The following CHRNB2 variants were observed in gnomAD, a reference collection of about 807,000 sequenced individuals.
CHRNB2 encodes neuronal acetylcholine receptor subunit beta-2.
A neutral mutation model predicts 42.7 loss-of-function variants in CHRNB2; 33 were observed. That is an observed-to-expected ratio of 0.77 (90% confidence interval 0.59 to 1.03). The LOEUF is 1.03. Among genes scored for constraint, CHRNB2 ranks in the 50% least tolerant of loss-of-function variants. The probability of loss-of-function intolerance (pLI) is 0.00; values close to 1 mark genes in which losing one functional copy is unlikely to be tolerated. For synonymous variants in CHRNB2, 325 were observed against 292.9 expected (o/e 1.11, Z -1.12); for missense variants, 603 against 700.9 (o/e 0.86, Z 1.58).
chr1:154,569,625 G>T lies in CHRNB2; in HGVS notation c.210+18G>T, dbSNP rs1696126291. The T allele has an allele frequency of 3.7e-6, 6 of 1,613,992 alleles. No homozygotes were observed. Among genetic ancestry groups the T allele is most frequent in the Non-Finnish European group, 5.1e-6 (6 of 1,180,000 alleles). On this transcript the variant is annotated intron_variant, in intron 2 of 5. Coordinates refer to ENST00000368476, the MANE Select transcript of CHRNB2 (RefSeq NM_000748.3). ...TCAGTGTGGTGAGTAGAGGTCCCAGGCTCTCTGCCCAGCTACTGAAATCAG... is the reference window on the plus strand; with the variant it reads ...TCAGTGTGGTGAGTAGAGGTCCCAGTCTCTCTGCCCAGCTACTGAAATCAG...
chr1:154,571,395 TG>T lies in CHRNB2; in HGVS notation c.574del (p.Ala192ProfsTer60). 1 of 1,614,162 alleles carries T rather than the reference TG, an allele frequency of 6.2e-7. No homozygotes were observed. The highest frequency in any genetic ancestry group is 8.5e-7 in the Non-Finnish European group (1 of 1,180,024). On this transcript the variant is annotated frameshift_variant, in exon 5 of 6. Transcript: ENST00000368476. LOFTEE classifies it high-confidence loss of function. This position sits in a 1 kb window ranked among gnomAD's most constrained non-coding sequence, Gnocchi z 6.8. ...ATCGACTTGGTGCTGAAGAGTGAGG[TG>T]GCCAGCCTGGACGACTTCACACCTA... The part of the protein sequence containing the change: ...TEIDLVLKSE[V>X]ASLDDFTPSG...
rs1382409921 is a variant in CHRNB2, at chr1:154,571,779, T to A, written c.956T>A (p.Leu319His). 6.2e-7 allele frequency: 1 copy of A among 1,614,006 alleles called. No homozygotes were observed. The highest frequency in any genetic ancestry group is 1.1e-5 in the South Asian group (1 of 91,090). The change falls in exon 5 of 6, where the codon CTC becomes CAC. Residue 319 changes from leucine (L) to histidine (H), a missense_variant. By Grantham distance (99) the Leu-to-His change is moderately conservative. This residue lies in a region of CHRNB2 where 333 missense variants were observed against 452.6 expected (regional missense o/e 0.74). Transcript: ENST00000368476. The surrounding 1 kb of genome is among the most constrained non-coding windows in gnomAD (Gnocchi z 6.8). ...TCCATCGTCACCAGCGTGTGCGTGCTCAACGTGCACCACCGCTCGCCCACC... is the reference window on the plus strand; with the variant it reads ...TCCATCGTCACCAGCGTGTGCGTGCACAACGTGCACCACCGCTCGCCCACC... ...TFSIVTSVCV[L>H]NVHHRSPTTH... is the part of the protein sequence containing the mutation.
At position 154,571,463 on chromosome 1, in the gene CHRNB2, G is replaced by A. The variant is rs780175030; in HGVS notation, c.640G>A (p.Glu214Lys). 1.8e-5 allele frequency: 29 copies of A among 1,613,968 alleles called. No homozygotes were observed. The highest frequency in any genetic ancestry group is 2.4e-5 in the Non-Finnish European group (28 of 1,180,024). Reference protein sequence around the residue: ...DIVALPGRRNENPDDSTYVDI... With the variant: ...DIVALPGRRNKNPDDSTYVDI... Reference sequence around the variant, plus strand: ...CGTGGCGCTGCCGGGCCGGCGCAACGAGAACCCCGACGACTCTACGTACGT... The same window carrying A: ...CGTGGCGCTGCCGGGCCGGCGCAACAAGAACCCCGACGACTCTACGTACGT... Residue 214 changes from glutamate (E) to lysine (K), a missense_variant, in exon 5 of 6, where the codon GAG becomes AAG. Physicochemically the swap from Glu to Lys is moderately conservative, Grantham distance 56. Around this residue, in one of 2 missense-constraint regions of CHRNB2, gnomAD observed 333 missense variants for 452.6 expected, o/e 0.74. Coordinates refer to ENST00000368476, the MANE Select transcript of CHRNB2 (RefSeq NM_000748.3). This position sits in a 1 kb window ranked among gnomAD's most constrained non-coding sequence, Gnocchi z 6.8.
intron 3 of CHRNB2, 36 bp from the exon 4 acceptor site, chr1:154,570,222 C>A: frequency 7.0e-7 from 1 of 1,432,124 alleles, no homozygotes; most frequent in Non-Finnish European, 9.8e-7. Flanking sequence ...CCACCCAGGG[C>A]ACAAGTTGGT....
At position 154,570,121 on chromosome 1, in the gene CHRNB2, G is replaced by T. The variant is rs1696134720; in HGVS notation, c.256-137G>T. 4 of 730,540 alleles carry T rather than the reference G, an allele frequency of 5.5e-6. No homozygotes were observed. The South Asian group carries it at 6.1e-5, about 11-fold the overall frequency. 45.3% of individuals were successfully genotyped at this position (730,540 alleles called of 1,614,324 possible). Reference sequence around the variant, plus strand: ...GTACCACATGAGCCATACCTGATGGGCAGAGAAGTCACTGTGGGGAAGAGG... The same window carrying T: ...GTACCACATGAGCCATACCTGATGGTCAGAGAAGTCACTGTGGGGAAGAGG... On this transcript the variant is annotated intron_variant, in intron 3 of 5. Coordinates refer to ENST00000368476, the MANE Select transcript of CHRNB2 (RefSeq NM_000748.3).
intron 5 of CHRNB2, 101 bp downstream of exon 5, chr1:154,572,262 G>C: frequency 6.6e-7 from 1 of 1,512,000 alleles, no homozygotes; most frequent in African/African-American, 1.4e-5. Flanking sequence ...AGAGGTAGTA[G>C]GAGTGTAGGG....
At position 154,569,593 on chromosome 1, in the gene CHRNB2, C is replaced by T; in HGVS notation, c.196C>T (p.Gln66Ter). 2.5e-6 allele frequency: 4 copies of T among 1,614,138 alleles called. No homozygotes were observed. Among genetic ancestry groups the T allele is most frequent in the Non-Finnish European group, 2.5e-6 (3 of 1,180,014 alleles). The part of the protein sequence containing the change: ...VTVQLMVSLA[Q>*]LISVHEREQI... ...AGTACAGCTTATGGTGTCACTGGCC[C>T]AGCTCATCAGTGTGGTGAGTAGAGG... is the stretch of plus-strand genomic sequence containing the variant. Residue 66 changes from glutamine to a stop codon, truncating the protein, a stop_gained, in exon 2 of 6, where the codon CAG (glutamine) becomes TAG (stop). Transcript: ENST00000368476. LOFTEE classifies it high-confidence loss of function.
intron 5 of CHRNB2, among the ~76,000 whole-genome samples, chr1:154,574,402 G>T (rs906553775): frequency 1.3e-5 from 2 of 152,138 alleles, no homozygotes; most frequent in African/African-American, 4.8e-5. Flanking sequence ...CTAATCCAGG[G>T]TCTCAAATTA....
In CHRNB2 at chr1:154,576,056, C is replaced by T; in HGVS notation, c.*124C>T. The T allele has an allele frequency of 1.5e-6, 2 of 1,291,684 alleles. No homozygotes were observed. The highest frequency in any genetic ancestry group is 2.2e-6 in the Non-Finnish European group (2 of 903,482). 80.0% of individuals were successfully genotyped at this position (1,291,684 alleles called of 1,614,324 possible). A position where few individuals can be genotyped will look rare whatever the true frequency, so the allele number is the denominator to read the frequency against. ...CTGCCCCCACAGATCCATCCTTTTGCTTCATCTGGAGTCCCTCCTCCCCCA... is the reference window on the plus strand; with the variant it reads ...CTGCCCCCACAGATCCATCCTTTTGTTTCATCTGGAGTCCCTCCTCCCCCA... On this transcript the variant is annotated 3_prime_UTR_variant, in exon 6 of 6. Coordinates refer to ENST00000368476, the MANE Select transcript of CHRNB2 (RefSeq NM_000748.3).
chr1:154,579,846 C>T lies in CHRNB2; in HGVS notation c.*3914C>T, dbSNP rs1696358002. The T allele has an allele frequency of 6.6e-6, 1 of 152,342 alleles. No homozygotes were observed. The highest frequency in any genetic ancestry group is 2.1e-4 in the South Asian group (1 of 4,832). 9.4% of individuals were successfully genotyped at this position (152,342 alleles called of 1,614,324 possible). A position where few individuals can be genotyped will look rare whatever the true frequency, so the allele number is the denominator to read the frequency against. The stretch of plus-strand genomic sequence containing the variant: ...TACTCCAGGTCAGACTCATTAGGAA[C>T]TCAAGATTCTCGTAAAGAAAGTTGT... On this transcript the variant is annotated 3_prime_UTR_variant, in exon 6 of 6. Transcript: ENST00000368476.
chr1:154,567,856 A>C lies in CHRNB2; in HGVS notation c.-189A>C, dbSNP rs934309914. 2.1e-6 allele frequency: 1 copy of C among 479,438 alleles called. No individual in the cohort carries two copies. Among genetic ancestry groups the C allele is most frequent in the Non-Finnish European group, 3.6e-6 (1 of 277,854 alleles). The allele number at this position is 479,438 out of a possible 1,614,324, so 29.7% of individuals were successfully genotyped here. ...AGCCTCCGCCTGCTCATACCAGGAT[A>C]GGCAAGAAGCTGGTTTCTCCTCGCA... is the stretch of plus-strand genomic sequence containing the variant. On this transcript the variant is annotated 5_prime_UTR_variant, in exon 1 of 6. Coordinates refer to ENST00000368476, the MANE Select transcript of CHRNB2 (RefSeq NM_000748.3).
At position 154,569,490 on chromosome 1, in the gene CHRNB2, G is replaced by A. The variant is rs1298144883; in HGVS notation, c.93G>A (p.Arg31=). 3 of 1,613,792 alleles carry A rather than the reference G, an allele frequency of 1.9e-6. No individual in the cohort carries two copies. Among genetic ancestry groups the A allele is most frequent in the Non-Finnish European group, 2.5e-6 (3 of 1,179,980 alleles). Residue 31 remains arginine, a synonymous_variant, in exon 2 of 6, where the codon CGG becomes CGA. Transcript: ENST00000368476. The part of the protein sequence containing the change: ...SGVWGTDTEE[R]LVEHLLDPSR... ...TGTGGGGTACGGATACAGAGGAGCG[G>A]CTGGTGGAGCATCTCCTGGATCCTT... is the stretch of plus-strand genomic sequence containing the variant.
chr1:154,571,994 GTCA>G lies in CHRNB2; in HGVS notation c.1172_1174del (p.Val391_Asn392delinsAsp). On this transcript the variant is annotated inframe_deletion, in exon 5 of 6. Transcript: ENST00000368476. This position sits in a 1 kb window ranked among gnomAD's most constrained non-coding sequence, Gnocchi z 6.8. ...AGGGGCCGACTCCTGCACGTGCTTC[GTCA>G]ACCGCGCGTCGGTGCAGGGGTTGGC... 6.5e-6 allele frequency: 10 copies of G among 1,536,346 alleles called. No individual in the cohort carries two copies. The highest frequency in any genetic ancestry group is 7.9e-6 in the Non-Finnish European group (9 of 1,146,080).
chr1:154,579,353 T>C lies in CHRNB2; in HGVS notation c.*3421T>C, dbSNP rs201422275. On this transcript the variant is annotated 3_prime_UTR_variant, in exon 6 of 6. Transcript: ENST00000368476. Reference sequence around the variant, plus strand: ...GGGGCCTCCACCTACGTAACAGAAATGCGGCTCAGAAAGACCAAGTGACAG... The same window carrying C: ...GGGGCCTCCACCTACGTAACAGAAACGCGGCTCAGAAAGACCAAGTGACAG... The C allele has an allele frequency of 3.9e-5, 6 of 152,210 alleles. No homozygotes were observed. Among genetic ancestry groups the C allele is most frequent in the Non-Finnish European group, 7.3e-5 (5 of 68,078 alleles). The allele number at this position is 152,210 out of a possible 1,614,324, so 9.4% of individuals were successfully genotyped here. A position where few individuals can be genotyped will look rare whatever the true frequency, so the allele number is the denominator to read the frequency against.
chr1:154,573,469 A>T (rs1696214392), intron 5 of CHRNB2, among the ~76,000 whole-genome samples: 1 of 152,146 alleles, frequency 6.6e-6, no homozygotes. Flanking sequence ...ACCCAGAGGG[A>T]TCCTTGATCC....
intron 5 of CHRNB2, among the ~76,000 whole-genome samples, chr1:154,574,611 C>T (rs1696237012): frequency 6.6e-6 from 1 of 152,188 alleles, no homozygotes; most frequent in South Asian, 2.1e-4. Flanking sequence ...CTCACCTCCT[C>T]AAAAAGGCAT....
rs1361732970 is a variant in CHRNB2, at chr1:154,578,420, G to T, written c.*2488G>T. On this transcript the variant is annotated 3_prime_UTR_variant, in exon 6 of 6. Transcript: ENST00000368476. ...CAGGCCTAGAGCTTGTCTGCTGTTTGACCTCTTTTAAGACCCGGCTGTGCT... is the reference window on the plus strand; with the variant it reads ...CAGGCCTAGAGCTTGTCTGCTGTTTTACCTCTTTTAAGACCCGGCTGTGCT... 2 of 152,268 alleles carry T rather than the reference G, an allele frequency of 1.3e-5. No individual in the cohort carries two copies. The highest frequency in any genetic ancestry group is 2.9e-5 in the Non-Finnish European group (2 of 68,060). The allele number at this position is 152,268 out of a possible 1,614,324, so 9.4% of individuals were successfully genotyped here.
intron 5 of CHRNB2, among the ~76,000 whole-genome samples, chr1:154,575,046 C>T (rs1018182859): frequency 7.9e-5 from 12 of 152,118 alleles, no homozygotes; most frequent in African/African-American, 2.7e-4. Context: ...GACCTGGTCT[C>T]ACCCTCTGGG....
chr1:154,575,627 T>G (rs1696256940), intron 5 of CHRNB2, 135 bp from the exon 6 acceptor site: 1 of 954,790 alleles, frequency 1.0e-6, no homozygotes. Context: ...ATCAGAGCCA[T>G]GCTTTAACAA....
Sources: allele counts gnomAD v4.1 joint callset (sites outside exome capture counted in the v4.1 genomes callset), GRCh38; gene constraint gnomAD v4.1.1; regional missense constraint gnomAD v4.1.1; non-coding constraint Gnocchi (gnomAD v3.1); transcripts MANE v1.5; gene names NCBI Gene and HGNC (gene_info 2026-07-23, HGNC 2026-07-21).